Variants in NEDD4L observed in about 807,000 individuals in gnomAD.
NEDD4L encodes the protein NEDD4 like E3 ubiquitin protein ligase, also known as E3 ubiquitin-protein ligase NEDD4-like.
A neutral mutation model predicts 148.9 loss-of-function variants in NEDD4L; 54 were observed. The ratio of observed to expected loss-of-function variants is 0.36; its 90% confidence interval spans 0.29 to 0.45. NEDD4L has a LOEUF of 0.45. Among genes scored for constraint, NEDD4L ranks in the 20% least tolerant of loss-of-function variants. The probability of loss-of-function intolerance (pLI) is 1.00; values close to 1 mark genes in which losing one functional copy is unlikely to be tolerated. For missense variants in NEDD4L, 856 were observed against 1,233.8 expected, an observed-to-expected ratio of 0.69 and a Z score of 4.59; for synonymous variants, 433 against 440.7, an observed-to-expected ratio of 0.98 and a Z score of 0.22.
chr18:58,263,677 T>TTC (rs145053078), intron 5 of NEDD4L, among the ~76,000 whole-genome samples: 66 of 145,020 alleles, frequency 4.6e-4, no homozygotes, highest in Non-Finnish European at 7.3e-4. Context: ...TTTTTTTTTT[T>TTC]TCTCTCTCTC....
chr18:58,283,427 G>T (rs985057933), intron 5 of NEDD4L, among the ~76,000 whole-genome samples: 2 of 152,106 alleles, frequency 1.3e-5, no homozygotes, highest in East Asian at 3.9e-4. Context: ...CATCACTGCC[G>T]CTCATATTTT....
intron 2 of NEDD4L, among the ~76,000 whole-genome samples, chr18:58,167,798 T>A (rs551225399): frequency 6.6e-6 from 1 of 152,190 alleles, no homozygotes; most frequent in Non-Finnish European, 1.5e-5. Context: ...GTTAAAAATA[T>A]GTATTCTCAC....
At chr18:58,082,102 A>ATATATATATATTTTTTT in intron 1 of NEDD4L, among the ~76,000 whole-genome samples, 13 of 48,816 alleles carry the variant, frequency 2.7e-4, no homozygotes, top group South Asian at 1.0e-3. Context: ...ATATATATAT[A>ATATATATATATTTTTTT]TTTTTTTTTT....
intron 2 of NEDD4L, chr18:58,227,879 A>C: frequency 1.0e-6 from 1 of 982,190 alleles, no homozygotes; most frequent in African/African-American, 1.7e-5. Flanking sequence ...CATCAGAAAA[A>C]TAACCAAGTG....
intron 5 of NEDD4L, among the ~76,000 whole-genome samples, chr18:58,311,202 TC>T (rs996729160): frequency 3.9e-5 from 6 of 152,242 alleles, no homozygotes; most frequent in Middle Eastern, 3.2e-3. Context: ...TGAGATGAGT[TC>T]CTCAAAATAG....
chr18:58,316,982 G>C (rs200858265), intron 6 of NEDD4L, among the ~76,000 whole-genome samples: 78,174 of 151,492 alleles, frequency 0.52, 20,575 homozygotes, highest in African/African-American at 0.63. Context: ...GCTATTTAAA[G>C]CTAGCATAAG....
intron 1 of NEDD4L, among the ~76,000 whole-genome samples, chr18:58,153,464 C>T (rs1291901356): frequency 6.6e-6 from 1 of 151,278 alleles, no homozygotes; most frequent in Admixed American, 6.6e-5. Flanking sequence ...CTCAGCCTCC[C>T]GAGTAGCTGG....
chr18:58,166,362 C>T (rs1472343262), intron 2 of NEDD4L, among the ~76,000 whole-genome samples: 2 of 152,188 alleles, frequency 1.3e-5, no homozygotes, highest in African/African-American at 4.8e-5. Context: ...CTGTGTGTTT[C>T]AGCTTTTTTA....
chr18:58,228,839 A>C (rs1055332934), intron 2 of NEDD4L, among the ~76,000 whole-genome samples: 1 of 152,216 alleles, frequency 6.6e-6, no homozygotes. Flanking sequence ...TCAGTTCTTT[A>C]TGGGAAAGCC....
At chr18:58,181,850 T>C (rs936854877) in intron 2 of NEDD4L, among the ~76,000 whole-genome samples, 3 of 152,150 alleles carry the variant, frequency 2.0e-5, no homozygotes, top group Non-Finnish European at 4.4e-5. Flanking sequence ...TCTGAGATTG[T>C]AGGAGTTTTT....
chr18:58,256,058 A>G lies in NEDD4L; in HGVS notation c.297+4004A>G. 8.1e-7 allele frequency: 1 copy of G among 1,229,128 alleles called. No individual in the cohort carries two copies. The highest frequency in any genetic ancestry group is 1.0e-6 in the Non-Finnish European group (1 of 986,278). The allele number at this position is 1,229,128 out of a possible 1,614,324, so 76.1% of individuals were successfully genotyped here. ...TGCCACCACGAGGGCCTCGCCCCAG[A>G]GTGGCTCCCGGGAGCCCTCGCCGAG... On this transcript the variant is annotated intron_variant, in intron 5 of 30. Coordinates refer to ENST00000400345, the MANE Select transcript of NEDD4L (RefSeq NM_001144967.3). The surrounding 1 kb of genome is among the most constrained non-coding windows in gnomAD (Gnocchi z 5.2).
chr18:58,372,849 AG>A (rs2047070459), intron 23 of NEDD4L, among the ~76,000 whole-genome samples: 1 of 131,084 alleles, frequency 7.6e-6, no homozygotes, highest in Non-Finnish European at 1.6e-5. Flanking sequence ...AAAAAAAAAG[AG>A]AGAGAGAAAA....
chr18:58,266,218 A>G (rs183494462), intron 5 of NEDD4L, among the ~76,000 whole-genome samples: 1 of 152,110 alleles, frequency 6.6e-6, no homozygotes, highest in Admixed American at 6.5e-5. Flanking sequence ...AATTAAATTC[A>G]GGATAGATAA....
chr18:58,342,487 T>A (rs1172682262), intron 15 of NEDD4L, among the ~76,000 whole-genome samples: 1 of 152,236 alleles, frequency 6.6e-6, no homozygotes, highest in African/African-American at 2.4e-5. Context: ...ATGTCATGGG[T>A]AACAACTGTG....
chr18:58,201,430 A>G (rs2041394607), intron 2 of NEDD4L, among the ~76,000 whole-genome samples: 1 of 152,250 alleles, frequency 6.6e-6, no homozygotes, highest in Admixed American at 6.5e-5. Flanking sequence ...CAACAGCATA[A>G]TGAAACCCCA....
intron 5 of NEDD4L, among the ~76,000 whole-genome samples, chr18:58,294,010 A>G (rs528027775): frequency 6.6e-5 from 10 of 152,320 alleles, no homozygotes; most frequent in African/African-American, 2.4e-4. Flanking sequence ...GTCATGAACC[A>G]CCATGTCCAA....
At chr18:58,203,014 C>T (rs2147466842) in intron 2 of NEDD4L, among the ~76,000 whole-genome samples, 1 of 152,192 alleles carries the variant, frequency 6.6e-6, no homozygotes, top group South Asian at 2.1e-4. Flanking sequence ...GTCACCCAGG[C>T]TGAAGGACTG....
At chr18:58,198,893 C>A (rs1245054070) in intron 2 of NEDD4L, among the ~76,000 whole-genome samples, 1 of 152,166 alleles carries the variant, frequency 6.6e-6, no homozygotes, top group Non-Finnish European at 1.5e-5. Flanking sequence ...CAACCTCTAC[C>A]TCCCAGGTTC....
intron 17 of NEDD4L, among the ~76,000 whole-genome samples, chr18:58,349,923 T>G (rs1181319641): frequency 3.3e-5 from 5 of 152,222 alleles, no homozygotes; most frequent in African/African-American, 1.2e-4. Flanking sequence ...ATTTTGTAAC[T>G]TAGCAACCAC....
Sources: allele counts gnomAD v4.1 joint callset (sites outside exome capture counted in the v4.1 genomes callset), GRCh38; gene constraint gnomAD v4.1.1; non-coding constraint Gnocchi (gnomAD v3.1); transcripts MANE v1.5; gene names NCBI Gene and HGNC (gene_info 2026-07-23, HGNC 2026-07-21).